Variants in FBXO16 observed in about 807,000 individuals in gnomAD.
FBXO16 encodes F-box protein 16.
Under a neutral mutation model 41.0 loss-of-function variants are expected in FBXO16, and 31 were observed. The ratio of observed to expected loss-of-function variants is 0.76; its 90% CI spans 0.57 to 1.02. FBXO16 has a LOEUF of 1.02. Among genes scored for constraint, FBXO16 ranks in the 50% least tolerant of loss-of-function variants. The probability of loss-of-function intolerance (pLI) is 0.00; values close to 1 mark genes in which losing one functional copy is unlikely to be tolerated. For missense variants in FBXO16, 361 were observed against 346.2 expected, an observed-to-expected ratio of 1.04 and a Z score of -0.34; for synonymous variants, 133 against 117.8, an observed-to-expected ratio of 1.13 and a Z score of -0.84.
At chr8:28,487,805 G>A (rs1476981653) in intron 1 of FBXO16, among the ~76,000 whole-genome samples, 1 of 151,468 alleles carries the variant, frequency 6.6e-6, no homozygotes, top group Non-Finnish European at 1.5e-5. Context: ...GCTTTTTTGT[G>A]ATCTCCTTCC....
chr8:28,439,513 G>A (rs140170567), intron 7 of FBXO16, among the ~76,000 whole-genome samples: 47 of 152,332 alleles, frequency 3.1e-4, no homozygotes, highest in African/African-American at 1.1e-3. Flanking sequence ...TGAGGCAGGA[G>A]GATCGCTTGA....
intron 4 of FBXO16, among the ~76,000 whole-genome samples, chr8:28,459,136 AC>A (rs1438109662): frequency 2.0e-5 from 3 of 152,198 alleles, no homozygotes; most frequent in Non-Finnish European, 2.9e-5. Flanking sequence ...GAGAAGTTTA[AC>A]CCATGACCCC....
chr8:28,470,830 A>G (rs1803323245), intron 3 of FBXO16, among the ~76,000 whole-genome samples: 1 of 152,156 alleles, frequency 6.6e-6, no homozygotes, highest in South Asian at 2.1e-4. Flanking sequence ...TATATCCTGG[A>G]TATTAATCAT....
intron 7 of FBXO16, among the ~76,000 whole-genome samples, chr8:28,443,962 T>C (rs1426984135): frequency 6.6e-6 from 1 of 152,114 alleles, no homozygotes; most frequent in Admixed American, 6.5e-5. Context: ...CAAATAACCA[T>C]AAAAATCGGC....
chr8:28,471,676 C>A (rs1803336809), intron 3 of FBXO16, among the ~76,000 whole-genome samples: 1 of 151,762 alleles, frequency 6.6e-6, no homozygotes, highest in Non-Finnish European at 1.5e-5. Flanking sequence ...AAACAAGAGA[C>A]CATTATTTAT....
Position 28,447,292 on chromosome 8 carries a change from T to C in FBXO16, c.741-19A>G. 1 of 1,594,894 alleles carries C rather than the reference T, an allele frequency of 6.3e-7. No homozygotes were observed. Among genetic ancestry groups the C allele is most frequent in the Non-Finnish European group, 8.6e-7 (1 of 1,166,734 alleles). On this transcript the variant is annotated intron_variant, in intron 6 of 8. Transcript: ENST00000380254. ...TCTTCTTCTGTAAATTGGAAAGCAG[T>C]GGGAAAATTACAAAGTATCTTTTTA...
intron 3 of FBXO16, among the ~76,000 whole-genome samples, chr8:28,467,158 C>T (rs535819302): frequency 1.2e-4 from 19 of 152,056 alleles, no homozygotes; most frequent in Admixed American, 9.8e-4. Context: ...GGCTGAGCTA[C>T]GTTGAGACCC....
chr8:28,460,245 ATTTTTTTT>A (rs34429050), intron 4 of FBXO16, among the ~76,000 whole-genome samples: 1 of 85,442 alleles, frequency 1.2e-5, no homozygotes, highest in South Asian at 3.8e-4. Context: ...ATATATATAT[ATTTTTTTT>A]TTTTTTTTTT....
At chr8:28,451,800 T>G (rs567518270) in intron 6 of FBXO16, among the ~76,000 whole-genome samples, 2 of 152,030 alleles carry the variant, frequency 1.3e-5, no homozygotes, top group African/African-American at 4.8e-5. Flanking sequence ...CTGGTCAACA[T>G]GGTGAAACCC....
At chr8:28,462,508 G>C (rs2130153113) in intron 4 of FBXO16, among the ~76,000 whole-genome samples, 1 of 151,900 alleles carries the variant, frequency 6.6e-6, no homozygotes, top group East Asian at 1.9e-4. Flanking sequence ...TCGATCTCCT[G>C]ACCTTGTGAT....
chr8:28,488,496 G>T (rs1337588186), intron 1 of FBXO16, among the ~76,000 whole-genome samples: 1 of 150,548 alleles, frequency 6.6e-6, no homozygotes, highest in African/African-American at 2.4e-5. Context: ...TAGAGATAAG[G>T]TCTTGCTTTG....
At chr8:28,446,303 G>A (rs948804401) in intron 7 of FBXO16, among the ~76,000 whole-genome samples, 6 of 136,112 alleles carry the variant, frequency 4.4e-5, no homozygotes, top group Admixed American at 1.7e-4. Context: ...TGCCTCCCCC[G>A]CACCCGCCAT....
chr8:28,483,547 G>A (rs750032028), intron 1 of FBXO16, 85 bp from the exon 2 acceptor site: 16 of 902,662 alleles, frequency 1.8e-5, no homozygotes, highest in African/African-American at 1.2e-4. Flanking sequence ...AGCCAGGCAC[G>A]ATGGCTCACG....
chr8:28,478,971 G>A (rs1323920244), intron 2 of FBXO16, among the ~76,000 whole-genome samples: 1 of 152,072 alleles, frequency 6.6e-6, no homozygotes, highest in African/African-American at 2.4e-5. Context: ...AGATCTGCTT[G>A]TTTAAAAGTG....
chr8:28,450,305 T>C (rs1018309551), intron 6 of FBXO16, among the ~76,000 whole-genome samples: 1 of 152,144 alleles, frequency 6.6e-6, no homozygotes, highest in Admixed American at 6.5e-5. Flanking sequence ...TTATACCATA[T>C]GCAAAAATTA....
intron 4 of FBXO16, among the ~76,000 whole-genome samples, chr8:28,462,884 C>T (rs972363285): frequency 1.3e-5 from 2 of 152,168 alleles, no homozygotes; most frequent in Non-Finnish European, 2.9e-5. Context: ...CTTTTTTATT[C>T]ATGAATGCCC....
chr8:28,470,337 A>T (rs1479283565), intron 3 of FBXO16, among the ~76,000 whole-genome samples: 1 of 152,162 alleles, frequency 6.6e-6, no homozygotes. Flanking sequence ...TATTTACTCA[A>T]TTTACTACTG....
At chr8:28,481,365 G>A (rs1803509670) in intron 2 of FBXO16, among the ~76,000 whole-genome samples, 1 of 152,142 alleles carries the variant, frequency 6.6e-6, no homozygotes, top group Non-Finnish European at 1.5e-5. Context: ...AAGTAGATAA[G>A]CGGGTGGAGA....
At chr8:28,476,825 G>A (rs10105536) in intron 2 of FBXO16, among the ~76,000 whole-genome samples, 34 of 152,018 alleles carry the variant, frequency 2.2e-4, no homozygotes, top group Non-Finnish European at 3.4e-4. Context: ...GAACCATACC[G>A]TAAAAGAAAT....
Sources: allele counts gnomAD v4.1 joint callset (sites outside exome capture counted in the v4.1 genomes callset), GRCh38; gene constraint gnomAD v4.1.1; transcripts MANE v1.5; gene names NCBI Gene and HGNC (gene_info 2026-07-23, HGNC 2026-07-21).